TMC1: variants seen among roughly 807,000 people sequenced by gnomAD.
TMC1 encodes the protein transmembrane channel-like protein 1.
TMC1 carries 84 observed loss-of-function variants against 105.8 expected under a neutral mutation model. The ratio of observed to expected loss-of-function variants is 0.79; its 90% CI spans 0.67 to 0.95. TMC1 has a LOEUF of 0.95. Ranked by LOEUF, TMC1 falls within the 40% of genes least tolerant of loss-of-function variation. The probability of loss-of-function intolerance (pLI) is 0.00; values close to 1 mark genes in which losing one functional copy is unlikely to be tolerated. For synonymous variants in TMC1, 315 were observed against 311.5 expected, an observed-to-expected ratio of 1.01 and a Z score of -0.12; for missense variants, 817 against 914.1, an observed-to-expected ratio of 0.89 and a Z score of 1.37.
At chr9:72,584,275 T>A (rs1371856978) in intron 2 of TMC1, among the ~76,000 whole-genome samples, 1 of 151,454 alleles carries the variant, frequency 6.6e-6, no homozygotes, top group East Asian at 1.9e-4. Flanking sequence ...TACTTTTTTT[T>A]TTTTTTTTGA....
intron 4 of TMC1, among the ~76,000 whole-genome samples, chr9:72,631,267 A>G (rs1241121747): frequency 2.0e-5 from 3 of 152,266 alleles, no homozygotes. Context: ...AAAAATTACA[A>G]ATGCAAATTA....
rs1380554798 is a variant in TMC1, at chr9:72,627,925, C to T, written c.-191C>T. The T allele has an allele frequency of 5.0e-6, 2 of 399,400 alleles. No individual in the cohort carries two copies. Among genetic ancestry groups the T allele is most frequent in the African/African-American group, 2.1e-5 (1 of 46,814 alleles). 24.7% of individuals were successfully genotyped at this position (399,400 alleles called of 1,614,324 possible). A position where few individuals can be genotyped will look rare whatever the true frequency, so the allele number is the denominator to read the frequency against. On this transcript the variant is annotated 5_prime_UTR_variant, in exon 4 of 24. Transcript: ENST00000297784. ...TTTTTTTTTTTCATATTTTAGGATG[C>T]CAGAAGCCTCAAAAATGGAAAACCC...
At chr9:72,823,998 A>G (rs1233672227) in intron 20 of TMC1, among the ~76,000 whole-genome samples, 1 of 152,210 alleles carries the variant, frequency 6.6e-6, no homozygotes, top group Non-Finnish European at 1.5e-5. Flanking sequence ...GTACTGACAC[A>G]GGATGTTTCT....
At chr9:72,559,446 C>CCG (rs1564409726) in intron 1 of TMC1, among the ~76,000 whole-genome samples, 11 of 152,208 alleles carry the variant, frequency 7.2e-5, no homozygotes, top group Middle Eastern at 3.4e-3. Context: ...TGTAGGCCCC[C>CCG]ACCGATGCCC....
chr9:72,580,346 C>A (rs1824454597), intron 2 of TMC1, among the ~76,000 whole-genome samples: 1 of 152,204 alleles, frequency 6.6e-6, no homozygotes, highest in African/African-American at 2.4e-5. Context: ...CACTGTGCAG[C>A]CTTACTCATA....
intron 1 of TMC1, among the ~76,000 whole-genome samples, chr9:72,556,692 C>T (rs1483104100): frequency 1.3e-5 from 2 of 151,706 alleles, no homozygotes; most frequent in African/African-American, 2.4e-5. Context: ...TATGGTGGTG[C>T]GTGCCTGTAA....
chr9:72,545,900 T>C (rs76922347), intron 1 of TMC1, among the ~76,000 whole-genome samples: 18,734 of 152,006 alleles, frequency 0.12, 1,330 homozygotes, highest in Non-Finnish European at 0.17. Flanking sequence ...TCAGATCAAT[T>C]ATAGTGGCTT....
At position 72,835,454 on chromosome 9, in the gene TMC1, A is replaced by G. The variant is rs183268720; in HGVS notation, c.2261-497A>G. Among the ~76,000 whole-genome samples, 11 of 152,350 alleles carry G rather than the reference A, an allele frequency of 7.2e-5. No homozygotes were observed. In the East Asian group the frequency reaches 2.1e-3, roughly 29 times the overall value. On this transcript the variant is annotated intron_variant, in intron 23 of 23. Transcript: ENST00000297784. ...GCTTTTGTATAATTTAATATTATCA[A>G]ATTAGTACTTAAGAATGGAAAATTC...
intron 1 of TMC1, among the ~76,000 whole-genome samples, chr9:72,561,638 G>T (rs1183633080): frequency 1.3e-5 from 2 of 152,156 alleles, no homozygotes; most frequent in African/African-American, 4.8e-5. Context: ...AGTAGATTCT[G>T]TCCCATCTTA....
At chr9:72,682,301 G>A (rs919837936) in intron 5 of TMC1, among the ~76,000 whole-genome samples, 3 of 152,110 alleles carry the variant, frequency 2.0e-5, no homozygotes, top group Admixed American at 6.6e-5. Context: ...GCCTACGTCT[G>A]TCTCATTAAA....
intron 10 of TMC1, among the ~76,000 whole-genome samples, chr9:72,751,125 A>G (rs1827574017): frequency 6.6e-6 from 1 of 152,116 alleles, no homozygotes; most frequent in Admixed American, 6.5e-5. Context: ...GCTAATGTCT[A>G]TGTCTGTATC....
At chr9:72,654,666 A>G (rs992001808) in intron 5 of TMC1, among the ~76,000 whole-genome samples, 8 of 152,136 alleles carry the variant, frequency 5.3e-5, no homozygotes, top group African/African-American at 1.2e-4. Flanking sequence ...TTTATTCTGT[A>G]TATATTATAA....
intron 5 of TMC1, among the ~76,000 whole-genome samples, chr9:72,660,809 G>GT (rs1825959610): frequency 6.6e-6 from 1 of 152,146 alleles, no homozygotes; most frequent in Admixed American, 6.5e-5. Flanking sequence ...TCTGATCCAG[G>GT]TTCCAGTACT....
chr9:72,624,787 T>C (rs1415935480), intron 3 of TMC1, among the ~76,000 whole-genome samples: 2 of 152,170 alleles, frequency 1.3e-5, no homozygotes, highest in Admixed American at 6.5e-5. Context: ...TCACCTGCAA[T>C]GTGTTCTGAA....
intron 3 of TMC1, among the ~76,000 whole-genome samples, chr9:72,619,272 GC>G (rs1825198901): frequency 6.6e-6 from 1 of 152,134 alleles, no homozygotes; most frequent in South Asian, 2.1e-4. Context: ...ACTCATAGCA[GC>G]ATTATTTAAA....
intron 4 of TMC1, among the ~76,000 whole-genome samples, chr9:72,640,126 C>T (rs180884459): frequency 1.7e-4 from 26 of 152,228 alleles, no homozygotes; most frequent in Non-Finnish European, 3.1e-4. Flanking sequence ...GTCTTTGTGA[C>T]TGTCATTTTT....
intron 5 of TMC1, among the ~76,000 whole-genome samples, chr9:72,654,641 A>G (rs928628485): frequency 6.6e-6 from 1 of 152,070 alleles, no homozygotes; most frequent in East Asian, 1.9e-4. Flanking sequence ...ACTTGTTGCT[A>G]TTGTTTTCAT....
intron 4 of TMC1, among the ~76,000 whole-genome samples, chr9:72,631,644 T>C (rs1825453006): frequency 6.6e-6 from 1 of 152,216 alleles, no homozygotes; most frequent in Non-Finnish European, 1.5e-5. Flanking sequence ...AGTCATTTTC[T>C]CAAAGTTCTC....
chr9:72,821,502 CAAA>C (rs35069464), intron 20 of TMC1, among the ~76,000 whole-genome samples: 13 of 105,518 alleles, frequency 1.2e-4, no homozygotes, highest in East Asian at 8.6e-4. Context: ...AACTCTGTCT[CAAA>C]AAAAAAAAAA....
Sources: gnomAD v4.1 joint callset for allele counts (sites outside exome capture counted in the v4.1 genomes callset) on GRCh38, gnomAD v4.1.1 for gene constraint, MANE v1.5 for transcripts, NCBI Gene and HGNC (gene_info 2026-07-23, HGNC 2026-07-21) for gene names.